The following ALPL variants were observed in gnomAD, a reference collection of about 807,000 sequenced individuals.
The protein encoded by ALPL is alkaline phosphatase, tissue-nonspecific isozyme.
A neutral mutation model predicts 51.3 loss-of-function variants in ALPL; 42 were observed. That is an observed-to-expected ratio of 0.82 (90% CI 0.64 to 1.06). ALPL has a LOEUF of 1.06. ALPL is among the 50% of genes least tolerant of loss of function. The pLI is 0.00. For missense variants in ALPL, 589 were observed against 709.4 expected (o/e 0.83, Z 1.93); for synonymous variants, 279 against 296.4 (o/e 0.94, Z 0.60).
chr1:21,530,694 G>A (rs1187338327), intron 1 of ALPL, among the ~76,000 whole-genome samples: 1 of 152,104 alleles, frequency 6.6e-6, no homozygotes, highest in Non-Finnish European at 1.5e-5. Context: ...AGGGGTGGTG[G>A]AGTGACTGTA....
At chr1:21,577,304 T>G in intron 11 of ALPL, 79 bp from the exon 12 acceptor site, 1 of 1,606,128 alleles carries the variant, frequency 6.2e-7, no homozygotes, top group Non-Finnish European at 8.5e-7. Context: ...CAAGCCAGCC[T>G]GGAAGGGAGA....
intron 2 of ALPL, among the ~76,000 whole-genome samples, chr1:21,559,081 G>A (rs1480791909): frequency 4.6e-5 from 7 of 152,142 alleles, no homozygotes; most frequent in South Asian, 2.1e-4. Context: ...AGCCAGGCAC[G>A]CGTCGGAGCT....
At chr1:21,522,027 C>T (rs1035976152) in intron 1 of ALPL, among the ~76,000 whole-genome samples, 10 of 151,484 alleles carry the variant, frequency 6.6e-5, no homozygotes, top group Admixed American at 4.6e-4. Context: ...TTTCATGTGT[C>T]GACTCCGTGA....
chr1:21,509,051 A>G (rs1643625360), upstream of ALPL, among the ~76,000 whole-genome samples: 1 of 152,114 alleles, frequency 6.6e-6, no homozygotes, highest in Non-Finnish European at 1.5e-5. The surrounding 1 kb of genome is among the most constrained non-coding windows in gnomAD (Gnocchi z 6.0). Flanking sequence ...ACTCCCACCA[A>G]GAGACGCAGA....
chr1:21,537,919 CTCTTTG>C (rs1231542571), intron 1 of ALPL, among the ~76,000 whole-genome samples: 1 of 152,180 alleles, frequency 6.6e-6, no homozygotes, highest in African/African-American at 2.4e-5. Context: ...CTCCCTCTTC[CTCTTTG>C]GGTCCTGTTA....
At chr1:21,575,106 A>T (rs1644709155) in intron 9 of ALPL, among the ~76,000 whole-genome samples, 1 of 152,208 alleles carries the variant, frequency 6.6e-6, no homozygotes, top group South Asian at 2.1e-4. Flanking sequence ...TGCCACAGGC[A>T]CTGCCCAGGC....
chr1:21,528,107 C>A (rs1643974230), intron 1 of ALPL, among the ~76,000 whole-genome samples: 1 of 150,202 alleles, frequency 6.7e-6, no homozygotes, highest in Non-Finnish European at 1.5e-5. Flanking sequence ...ACAGCCTCAA[C>A]CTCCCCAAAT....
At chr1:21,524,477 C>T (rs1344571833) in intron 1 of ALPL, among the ~76,000 whole-genome samples, 1 of 151,474 alleles carries the variant, frequency 6.6e-6, no homozygotes, top group African/African-American at 2.4e-5. Flanking sequence ...GCCTGGGCAA[C>T]ATAGCAAGAT....
chr1:21,568,787 C>G (rs1644605333), intron 7 of ALPL, among the ~76,000 whole-genome samples: 1 of 152,022 alleles, frequency 6.6e-6, no homozygotes, highest in South Asian at 2.1e-4. Flanking sequence ...GTGAGTCCCC[C>G]TTGGCTGGGG....
rs552407812 is a variant in ALPL, at chr1:21,516,865, G to C, written c.-105+7348G>C. 1.1e-4 allele frequency among the ~76,000 whole-genome samples: 17 copies of C among 152,224 alleles called. No individual in the cohort carries two copies. The South Asian group carries it at 3.5e-3, about 32-fold the overall frequency. ...TTCCCCATGACCTAATCCTTATACA[G>C]ATGCTCCTTGATTTACCAAAGGTTT... is the stretch of plus-strand genomic sequence containing the variant. On this transcript the variant is annotated intron_variant, in intron 1 of 11. Transcript: ENST00000374840.
chr1:21,523,716 A>G (rs991503581), intron 1 of ALPL, among the ~76,000 whole-genome samples: 4 of 152,124 alleles, frequency 2.6e-5, no homozygotes, highest in African/African-American at 7.2e-5. Flanking sequence ...AACAGGGACA[A>G]CCACCCTCCA....
intron 1 of ALPL, chr1:21,551,480 C>T (rs1443408937): frequency 1.3e-5 from 2 of 151,816 alleles, no homozygotes; most frequent in African/African-American, 4.8e-5. Context: ...ATTAGTATTT[C>T]GTATTCAGTT....
intron 1 of ALPL, among the ~76,000 whole-genome samples, chr1:21,546,292 G>A (rs1486319821): frequency 6.6e-6 from 1 of 152,172 alleles, no homozygotes; most frequent in Non-Finnish European, 1.5e-5. Context: ...CTGGGGTCAA[G>A]AAGAGGGGAC....
intron 7 of ALPL, among the ~76,000 whole-genome samples, chr1:21,570,016 C>T (rs1375568134): frequency 6.6e-6 from 1 of 152,190 alleles, no homozygotes; most frequent in East Asian, 1.9e-4. Flanking sequence ...TCCCACTTGT[C>T]CTCCAGGGAC....
intron 1 of ALPL, among the ~76,000 whole-genome samples, chr1:21,532,867 G>A (rs557444790): frequency 6.6e-6 from 1 of 152,182 alleles, no homozygotes; most frequent in East Asian, 1.9e-4. Context: ...AGGACACCAG[G>A]GTGCCTGTCC....
intron 6 of ALPL, among the ~76,000 whole-genome samples, chr1:21,566,582 C>T (rs1177526134): frequency 2.0e-5 from 3 of 151,884 alleles, no homozygotes; most frequent in South Asian, 2.1e-4. Flanking sequence ...TGAGCCATCG[C>T]GCCCGGCCTA....
intron 8 of ALPL, among the ~76,000 whole-genome samples, chr1:21,572,542 G>A (rs1354975562): frequency 5.3e-5 from 8 of 152,308 alleles, no homozygotes; most frequent in African/African-American, 1.4e-4. Flanking sequence ...CCACACAAGC[G>A]CGTGAATTCC....
chr1:21,567,985 G>A, intron 6 of ALPL, 119 bp from the exon 7 acceptor site: 1 of 1,390,620 alleles, frequency 7.2e-7, no homozygotes, highest in South Asian at 1.2e-5. Context: ...GGCTCACCAG[G>A]CTGGGAAAGT....
intron 1 of ALPL, among the ~76,000 whole-genome samples, chr1:21,511,669 C>G (rs1455316697): frequency 3.3e-5 from 5 of 152,236 alleles, no homozygotes; most frequent in African/African-American, 1.2e-4. Flanking sequence ...TAAACACAGC[C>G]TGGGCTGGGA....
Sources: allele counts gnomAD v4.1 joint callset (sites outside exome capture counted in the v4.1 genomes callset), GRCh38; gene constraint gnomAD v4.1.1; non-coding constraint Gnocchi (gnomAD v3.1); transcripts MANE v1.5; gene names NCBI Gene and HGNC (gene_info 2026-07-23, HGNC 2026-07-21).